Variants in VPS53 observed in about 807,000 individuals in gnomAD.
VPS53 encodes the protein VPS53 subunit of GARP complex, also known as vacuolar protein sorting-associated protein 53 homolog.
Under a neutral mutation model 107.0 loss-of-function variants are expected in VPS53, and 70 were observed. That is an observed-to-expected ratio of 0.65 (90% CI 0.54 to 0.80). The LOEUF is 0.80. VPS53 is among the 30% of genes least tolerant of loss of function. The pLI is 0.00. For missense variants in VPS53, 917 were observed against 1,049.4 expected, an observed-to-expected ratio of 0.87 and a Z score of 1.74; for synonymous variants, 409 against 393.3, an observed-to-expected ratio of 1.04 and a Z score of -0.47.
rs1173771946 is a variant in VPS53, at chr17:520,809, TG to T, written c.2223+791del. On this transcript the variant is annotated intron_variant, in intron 20 of 21. Transcript: ENST00000437048. This position sits in a 1 kb window ranked among gnomAD's most constrained non-coding sequence, Gnocchi z 4.4. ...GCTCTTCACCCTCACCTACATGAGC[TG>T]CTTCACCCTCACCTACATGAGCTGC... 6.7e-6 allele frequency among the ~76,000 whole-genome samples: 1 copy of T among 150,152 alleles called. No individual in the cohort carries two copies. Among genetic ancestry groups the T allele is most frequent in the Non-Finnish European group, 1.5e-5 (1 of 67,624 alleles).
At chr17:662,256 G>A (rs1971465092) in intron 4 of VPS53, among the ~76,000 whole-genome samples, 1 of 152,104 alleles carries the variant, frequency 6.6e-6, no homozygotes. Flanking sequence ...CTCTAAATTG[G>A]GGCAAGGGAA....
chr17:653,436 G>T (rs774566215), intron 6 of VPS53, 26 bp from the exon 7 acceptor site: 1 of 1,613,810 alleles, frequency 6.2e-7, no homozygotes, highest in Non-Finnish European at 8.5e-7. Context: ...AAGTTTAAAA[G>T]TCTAGAAAAA....
At position 585,786 on chromosome 17, in the gene VPS53, T is replaced by G. The variant is rs545574445; in HGVS notation, c.1313+484A>C. Among the ~76,000 whole-genome samples the G allele has an allele frequency of 1.6e-4, 25 of 152,322 alleles. 1 individual carries two copies. In the South Asian group the frequency reaches 5.2e-3, roughly 32 times the overall value. On this transcript the variant is annotated intron_variant, in intron 13 of 21. Coordinates refer to ENST00000437048, the MANE Select transcript of VPS53 (RefSeq NM_001128159.3). ...GGGCATTAATGGGACAGTATTACCT[T>G]CTCGATTTTGGTAACTCTGGTTGTT...
chr17:660,131 G>T (rs906619818), intron 5 of VPS53, among the ~76,000 whole-genome samples: 1 of 152,202 alleles, frequency 6.6e-6, no homozygotes, highest in Non-Finnish European at 1.5e-5. Flanking sequence ...TGAAATGGGA[G>T]GTTGTAGAGT....
At chr17:560,360 G>A (rs527454149) in intron 15 of VPS53, 66 bp downstream of exon 15, 11 of 1,537,472 alleles carry the variant, frequency 7.2e-6, no homozygotes, top group African/African-American at 2.7e-5. Flanking sequence ...ATTCTTACTC[G>A]CCGAGCGACG....
At chr17:534,958 G>A (rs1455300833) in intron 18 of VPS53, among the ~76,000 whole-genome samples, 2 of 151,752 alleles carry the variant, frequency 1.3e-5, no homozygotes, top group Non-Finnish European at 2.9e-5. Context: ...CCCTGAACTG[G>A]CTCTCTATAC....
chr17:580,094 C>G (rs1966914381), intron 13 of VPS53, among the ~76,000 whole-genome samples: 1 of 151,354 alleles, frequency 6.6e-6, no homozygotes, highest in Non-Finnish European at 1.5e-5. Flanking sequence ...GAGAACATCC[C>G]TCAGAACCTA....
At chr17:701,527 G>A (rs1243316660) in intron 2 of VPS53, among the ~76,000 whole-genome samples, 1 of 147,354 alleles carries the variant, frequency 6.8e-6, no homozygotes, top group East Asian at 2.3e-4. Context: ...ACAGGCACAT[G>A]CCACCACGCC....
intron 6 of VPS53, among the ~76,000 whole-genome samples, chr17:654,190 G>C (rs778244146): frequency 2.6e-5 from 4 of 151,712 alleles, no homozygotes; most frequent in African/African-American, 9.7e-5. Context: ...GGGAGACTCC[G>C]TCTCAAAAAC....
At chr17:612,719 T>G (rs1163851931) in intron 11 of VPS53, among the ~76,000 whole-genome samples, 1 of 141,270 alleles carries the variant, frequency 7.1e-6, no homozygotes, top group East Asian at 2.2e-4. Flanking sequence ...AATATTCACA[T>G]AGTTCACACA....
chr17:585,575 G>A (rs562306925), intron 13 of VPS53, among the ~76,000 whole-genome samples: 1 of 152,166 alleles, frequency 6.6e-6, no homozygotes, highest in Non-Finnish European at 1.5e-5. Context: ...CCAGGAGATG[G>A]AGGATGCAGT....
At chr17:599,691 T>C (rs1375188126) in intron 12 of VPS53, among the ~76,000 whole-genome samples, 1 of 149,610 alleles carries the variant, frequency 6.7e-6, no homozygotes, top group Non-Finnish European at 1.5e-5. Context: ...TTCCCTCCAC[T>C]ATTGTCCTAT....
rs1387550904 is a variant in VPS53 at position 699,387 on chromosome 17, T to C, written c.169-7A>G. The C allele has an allele frequency of 1.3e-6, 2 of 1,556,714 alleles. No homozygotes were observed. The highest frequency in any genetic ancestry group is 1.7e-6 in the Non-Finnish European group (2 of 1,157,510). ...CGTCTATGTTCGCCAGAGACTACAA[T>C]AAAGAAGGAAGAGTGCCCAGCTGTT... On this transcript the variant is annotated splice_region_variant and splice_polypyrimidine_tract_variant and intron_variant, in intron 2 of 21. Transcript: ENST00000437048.
At chr17:633,498 T>A (rs903080252) in intron 7 of VPS53, among the ~76,000 whole-genome samples, 3 of 152,230 alleles carry the variant, frequency 2.0e-5, no homozygotes, top group Admixed American at 2.0e-4. Context: ...CTAAGGAGTG[T>A]CTGGCAACCT....
At chr17:630,312 CAAAA>C (rs576863272) in intron 8 of VPS53, among the ~76,000 whole-genome samples, 3 of 144,188 alleles carry the variant, frequency 2.1e-5, no homozygotes, top group African/African-American at 5.1e-5. Context: ...AACAAACAAA[CAAAA>C]AAAAAAACCT....
intron 13 of VPS53, among the ~76,000 whole-genome samples, chr17:567,779 CTTGGGAGGCT>C (rs1229844668): frequency 2.0e-5 from 3 of 151,674 alleles, no homozygotes; most frequent in Non-Finnish European, 1.5e-5. Flanking sequence ...GTTACAGTTA[CTTGGGAGGCT>C]GAGGGAGGAC....
intron 17 of VPS53, among the ~76,000 whole-genome samples, chr17:549,706 A>G (rs1032302131): frequency 5.3e-5 from 8 of 152,182 alleles, no homozygotes; most frequent in South Asian, 2.1e-4. Flanking sequence ...CTCAGGATGT[A>G]GAGAATGCTT....
At chr17:708,146 G>A (rs1477317198) in intron 2 of VPS53, among the ~76,000 whole-genome samples, 1 of 152,208 alleles carries the variant, frequency 6.6e-6, no homozygotes, top group Admixed American at 6.5e-5. Context: ...AGAAGTAGTA[G>A]GAAAGACAGC....
At chr17:678,620 C>A (rs1597477665) in intron 4 of VPS53, among the ~76,000 whole-genome samples, 1 of 149,796 alleles carries the variant, frequency 6.7e-6, no homozygotes, top group Non-Finnish European at 1.5e-5. Context: ...GCATGTGCCA[C>A]CACTCCTGGC....
Sources: allele counts gnomAD v4.1 joint callset (sites outside exome capture counted in the v4.1 genomes callset), GRCh38; gene constraint gnomAD v4.1.1; non-coding constraint Gnocchi (gnomAD v3.1); transcripts MANE v1.5; gene names NCBI Gene and HGNC (gene_info 2026-07-23, HGNC 2026-07-21).